Variants in ZC3H11A observed in about 807,000 individuals in gnomAD.
ZC3H11A encodes zinc finger CCCH-type containing 11A.
Under a neutral mutation model 90.8 loss-of-function variants are expected in ZC3H11A, and 22 were observed. The ratio of observed to expected loss-of-function variants is 0.24; its 90% CI spans 0.17 to 0.35. ZC3H11A has a LOEUF of 0.35. ZC3H11A is among the 10% of genes least tolerant of loss of function. The probability of loss-of-function intolerance (pLI) is 1.00; values close to 1 mark genes in which losing one functional copy is unlikely to be tolerated. For missense variants in ZC3H11A, 701 were observed against 964.9 expected (o/e 0.73, Z 3.62); for synonymous variants, 294 against 339.8 (o/e 0.87, Z 1.48).
intron 8 of ZC3H11A, among the ~76,000 whole-genome samples, chr1:203,830,471 A>G (rs1681882351): frequency 6.6e-6 from 1 of 152,186 alleles, no homozygotes; most frequent in Admixed American, 6.5e-5. Flanking sequence ...TCATATAAGA[A>G]CTATATTAAT....
At chr1:203,815,553 T>C (rs1572043739) in intron 2 of ZC3H11A, among the ~76,000 whole-genome samples, 1 of 152,112 alleles carries the variant, frequency 6.6e-6, no homozygotes. Context: ...TGATAACATT[T>C]ATTGTGCATT....
intron 2 of ZC3H11A, among the ~76,000 whole-genome samples, chr1:203,804,515 CTCTGCCATCA>C (rs1671595370): frequency 6.6e-6 from 1 of 151,978 alleles, no homozygotes; most frequent in Non-Finnish European, 1.5e-5. Context: ...GTGAGTGGTA[CTCTGCCATCA>C]TCTGAATGAT....
chr1:203,797,892 T>C, intron 1 of ZC3H11A: 7 of 1,536,138 alleles, frequency 4.6e-6, no homozygotes, highest in Non-Finnish European at 6.1e-6. Flanking sequence ...AAAACAGATC[T>C]ATCTACCTAG....
intron 4 of ZC3H11A, among the ~76,000 whole-genome samples, chr1:203,824,681 C>G (rs1054712015): frequency 6.6e-6 from 1 of 152,104 alleles, no homozygotes. Context: ...GGTTCCACGG[C>G]TTTTGGTTGG....
At chr1:203,842,545 G>T (rs1188163432) in intron 12 of ZC3H11A, among the ~76,000 whole-genome samples, 1 of 151,434 alleles carries the variant, frequency 6.6e-6, no homozygotes, top group Non-Finnish European at 1.5e-5. Flanking sequence ...CGAGATGGCA[G>T]CAGTACAGTC....
At chr1:203,847,747 C>T (rs1340592065) in intron 13 of ZC3H11A, 60 bp downstream of exon 13, 3 of 1,558,512 alleles carry the variant, frequency 1.9e-6, no homozygotes, top group Non-Finnish European at 2.6e-6. Context: ...GAGGAGTGTT[C>T]CGTGGGATCT....
chr1:203,805,382 C>T (rs1014485572), intron 2 of ZC3H11A, among the ~76,000 whole-genome samples: 10 of 152,200 alleles, frequency 6.6e-5, no homozygotes, highest in Non-Finnish European at 1.3e-4. Context: ...CTGCCTGCCT[C>T]AGCCTTTCAA....
intron 13 of ZC3H11A, 115 bp downstream of exon 13, chr1:203,847,802 A>G: frequency 4.2e-6 from 6 of 1,435,538 alleles, no homozygotes; most frequent in Non-Finnish European, 3.7e-6. Context: ...GATAACGTTG[A>G]AAACACTGAA....
intron 1 of ZC3H11A, chr1:203,797,618 T>C: frequency 6.5e-7 from 1 of 1,535,906 alleles, no homozygotes; most frequent in Non-Finnish European, 8.7e-7. Flanking sequence ...GATGTGTTCC[T>C]ATTAATTCTA....
At chr1:203,841,094 G>T (rs913032885) in intron 12 of ZC3H11A, among the ~76,000 whole-genome samples, 62 of 150,338 alleles carry the variant, frequency 4.1e-4, no homozygotes, top group South Asian at 8.4e-4. Context: ...AAAGATAACA[G>T]AGAGCACATA....
In ZC3H11A at chr1:203,817,115, A is replaced by G. The variant is rs761955392; in HGVS notation, c.45A>G (p.Thr15=). The G allele has an allele frequency of 1.2e-6, 2 of 1,607,670 alleles. No individual in the cohort carries two copies. The highest frequency in any genetic ancestry group is 1.7e-6 in the Non-Finnish European group (2 of 1,177,230). ...ACTGCTATTTTTTTTTCTATTCCACATGTACCAAAGTAAGAATTGACATCT... is the reference window on the plus strand; with the variant it reads ...ACTGCTATTTTTTTTTCTATTCCACGTGTACCAAAGTAAGAATTGACATCT... ...GEDCYFFFYS[T]CTKGDSCPFR... is the part of the protein sequence containing the mutation. Residue 15 remains threonine, a synonymous_variant, in exon 3 of 18, where the codon ACA becomes ACG. Transcript: ENST00000367210.
intron 4 of ZC3H11A, among the ~76,000 whole-genome samples, chr1:203,820,356 AT>A (rs1336700782): frequency 2.6e-5 from 4 of 151,962 alleles, no homozygotes; most frequent in Admixed American, 2.0e-4. Context: ...CTTAACACTT[AT>A]GGTAGCTATA....
At chr1:203,803,248 A>G (rs1029312720) in intron 2 of ZC3H11A, among the ~76,000 whole-genome samples, 19 of 151,272 alleles carry the variant, frequency 1.3e-4, no homozygotes, top group African/African-American at 2.4e-4. Flanking sequence ...CTGGAGTGCA[A>G]TGGTGCCATC....
intron 1 of ZC3H11A, chr1:203,801,328 A>T (rs1670500862): frequency 1.3e-5 from 2 of 152,192 alleles, no homozygotes; most frequent in African/African-American, 4.8e-5. Flanking sequence ...ATTATACTGT[A>T]TTAACTGTGC....
rs1193965279 is a variant in ZC3H11A at position 203,823,433 on chromosome 1, T to A, written c.174+4744T>A. On this transcript the variant is annotated intron_variant, in intron 4 of 17. Coordinates refer to ENST00000367210, the MANE Select transcript of ZC3H11A (RefSeq NM_001376342.1). ...AGGATTTTCATTGGTGCTAGCCATATAAGCACTCTTTACCAAACATGTACC... is the reference window on the plus strand; with the variant it reads ...AGGATTTTCATTGGTGCTAGCCATAAAAGCACTCTTTACCAAACATGTACC... Among the ~76,000 whole-genome samples, 3 of 152,230 alleles carry A rather than the reference T, an allele frequency of 2.0e-5. No homozygotes were observed. In the East Asian group the frequency reaches 5.8e-4, roughly 29 times the overall value.
At position 203,832,023 on chromosome 1, in the gene ZC3H11A, A is replaced by T. The variant is rs536990930; in HGVS notation, c.811+252A>T. Among the ~76,000 whole-genome samples, 3 of 152,266 alleles carry T rather than the reference A, an allele frequency of 2.0e-5. No homozygotes were observed. The East Asian group carries it at 5.8e-4, about 29-fold the overall frequency. ...CACTCAATACATTTATTGGCTTCCC[A>T]TGTGACTAAAGAATAATAGGTATAT... On this transcript the variant is annotated intron_variant, in intron 9 of 17. Coordinates refer to ENST00000367210, the MANE Select transcript of ZC3H11A (RefSeq NM_001376342.1).
intron 2 of ZC3H11A, among the ~76,000 whole-genome samples, chr1:203,809,208 CTT>C (rs1255989640): frequency 1.1e-5 from 1 of 89,790 alleles, no homozygotes; most frequent in African/African-American, 4.5e-5. Flanking sequence ...TGGAGTCTTG[CTT>C]TGTCTCCCAG....
intron 17 of ZC3H11A, 69 bp downstream of exon 17, chr1:203,851,193 A>G: frequency 7.4e-7 from 1 of 1,357,684 alleles, no homozygotes. Context: ...CTAGAGAATA[A>G]CACTGATAAA....
At chr1:203,803,494 A>G (rs962084301) in intron 2 of ZC3H11A, among the ~76,000 whole-genome samples, 3 of 152,132 alleles carry the variant, frequency 2.0e-5, no homozygotes, top group African/African-American at 7.2e-5. Flanking sequence ...TCTGGCCCAT[A>G]GTTTTTCTTT....
Sources: allele counts gnomAD v4.1 joint callset (sites outside exome capture counted in the v4.1 genomes callset), GRCh38; gene constraint gnomAD v4.1.1; transcripts MANE v1.5; gene names NCBI Gene and HGNC (gene_info 2026-07-23, HGNC 2026-07-21).